The following AFF1 variants were observed in gnomAD, a reference collection of about 807,000 sequenced individuals.
AFF1 encodes AF4/FMR2 family member 1.
A neutral mutation model predicts 121.7 loss-of-function variants in AFF1; 48 were observed. The ratio of observed to expected loss-of-function variants is 0.39; its 90% CI spans 0.31 to 0.50. The LOEUF (loss-of-function observed/expected upper bound fraction) is 0.50. AFF1 is among the 20% of genes least tolerant of loss of function. The pLI, the probability that AFF1 is intolerant of heterozygous loss-of-function variation, is 0.76. For synonymous variants in AFF1, 613 were observed against 563.0 expected (o/e 1.09, Z -1.26); for missense variants, 1,523 against 1,511.7 (o/e 1.01, Z -0.12).
At chr4:86,966,957 C>T (rs1399086132) in intron 2 of AFF1, among the ~76,000 whole-genome samples, 1 of 152,220 alleles carries the variant, frequency 6.6e-6, no homozygotes, top group Non-Finnish European at 1.5e-5. Context: ...CATCTCCCAT[C>T]ACTACTGTCC....
intron 8 of AFF1, among the ~76,000 whole-genome samples, chr4:87,097,548 A>G (rs1724993465): frequency 6.6e-6 from 1 of 152,226 alleles, no homozygotes; most frequent in Non-Finnish European, 1.5e-5. Flanking sequence ...CTTTATAAAA[A>G]CTATTAATTT....
chr4:86,951,755 G>A (rs2149455138), intron 2 of AFF1, among the ~76,000 whole-genome samples: 1 of 151,192 alleles, frequency 6.6e-6, no homozygotes, highest in Middle Eastern at 3.4e-3. Flanking sequence ...CTGAGTAGCT[G>A]GGACTACAGG....
intron 1 of AFF1, among the ~76,000 whole-genome samples, chr4:86,940,705 A>T (rs115549443): frequency 6.6e-6 from 1 of 151,850 alleles, no homozygotes; most frequent in South Asian, 2.1e-4. Flanking sequence ...TGGCCTTCCT[A>T]ATCTTTTATA....
At chr4:87,134,436 G>A (rs1729124122) in intron 19 of AFF1, 35 bp from the exon 20 acceptor site, 2 of 1,535,342 alleles carry the variant, frequency 1.3e-6, no homozygotes, top group Middle Eastern at 2.4e-4. Context: ...ACTGGTGACT[G>A]ACTGATCAGT....
In AFF1 at chr4:86,992,126, T is replaced by C. The variant is rs544163569; in HGVS notation, c.38+43555T>C. 7.2e-5 allele frequency among the ~76,000 whole-genome samples: 11 copies of C among 152,234 alleles called. No individual in the cohort carries two copies. In the South Asian group the frequency reaches 2.3e-3, roughly 32 times the overall value. On this transcript the variant is annotated intron_variant, in intron 2 of 20. Coordinates refer to ENST00000395146, the MANE Select transcript of AFF1 (RefSeq NM_001166693.3). Reference sequence around the variant, plus strand: ...GACTGCTTCCTCAAGAGTGTAACAATAGCTTATCAAGAGAGGCTGTGCAGC... The same window carrying C: ...GACTGCTTCCTCAAGAGTGTAACAACAGCTTATCAAGAGAGGCTGTGCAGC...
intron 4 of AFF1, chr4:87,047,998 T>C (rs1199684909): frequency 4.4e-6 from 1 of 225,126 alleles, no homozygotes; most frequent in Non-Finnish European, 8.9e-6. Flanking sequence ...TGGGAGACAC[T>C]GGGGTAACAA....
chr4:86,952,950 T>TCCCCC (rs1721472524), intron 2 of AFF1, among the ~76,000 whole-genome samples: 2 of 126,288 alleles, frequency 1.6e-5, no homozygotes, highest in Non-Finnish European at 3.3e-5. Context: ...TGTGTTCCCC[T>TCCCCC]CCACCCCCAC....
chr4:87,038,403 G>A (rs949828795), intron 2 of AFF1, among the ~76,000 whole-genome samples: 1 of 152,176 alleles, frequency 6.6e-6, no homozygotes, highest in Admixed American at 6.5e-5. Flanking sequence ...GTATTTGGAA[G>A]TCAAACTAGT....
intron 2 of AFF1, among the ~76,000 whole-genome samples, chr4:87,010,615 T>C (rs1483479986): frequency 6.6e-6 from 1 of 152,150 alleles, no homozygotes; most frequent in East Asian, 1.9e-4. Flanking sequence ...TATAGACATA[T>C]TTTTTTCCTG....
chr4:87,094,286 G>A (rs1174449314), intron 7 of AFF1, among the ~76,000 whole-genome samples: 2 of 152,122 alleles, frequency 1.3e-5, no homozygotes. Context: ...ATTTCCCAGG[G>A]CAGTTAATTT....
chr4:87,084,329 C>T (rs968130102), intron 5 of AFF1, among the ~76,000 whole-genome samples, 165 bp downstream of exon 5: 4 of 151,948 alleles, frequency 2.6e-5, no homozygotes, highest in South Asian at 2.1e-4. Context: ...GCTTGAGCTC[C>T]GGAGTTCACG....
intron 4 of AFF1, among the ~76,000 whole-genome samples, chr4:87,072,808 A>G (rs774362002): frequency 2.0e-5 from 3 of 152,228 alleles, no homozygotes; most frequent in Non-Finnish European, 4.4e-5. Flanking sequence ...CTGGGATTAC[A>G]GGCGTGAGCC....
At chr4:86,959,711 A>G (rs553008057) in intron 2 of AFF1, among the ~76,000 whole-genome samples, 2 of 152,276 alleles carry the variant, frequency 1.3e-5, no homozygotes, top group South Asian at 4.1e-4. Context: ...CTGAAAGGAG[A>G]AAGTCATTCC....
intron 2 of AFF1, chr4:87,006,905 A>G (rs894362179): frequency 8.2e-6 from 8 of 981,510 alleles, no homozygotes; most frequent in Middle Eastern, 4.9e-4. Flanking sequence ...CGCCCTGCCC[A>G]TTTAAGTAGG....
chr4:87,020,764 G>C, intron 2 of AFF1: 2 of 983,720 alleles, frequency 2.0e-6, no homozygotes, highest in Non-Finnish European at 2.4e-6. Flanking sequence ...GATTACAGGC[G>C]GGATTACCAT....
intron 2 of AFF1, 150 bp downstream of exon 2, chr4:86,948,721 AGTC>A: frequency 1.4e-6 from 1 of 722,852 alleles, no homozygotes; most frequent in Non-Finnish European, 2.2e-6. Context: ...CTCTACATGA[AGTC>A]AAACTTGTTG....
chr4:87,074,147 AAAATT>A (rs1459196052), intron 4 of AFF1, among the ~76,000 whole-genome samples: 2 of 152,202 alleles, frequency 1.3e-5, no homozygotes, highest in African/African-American at 2.4e-5. Flanking sequence ...TGAAAAAAAA[AAAATT>A]AAATTCTTCC....
intron 5 of AFF1, among the ~76,000 whole-genome samples, chr4:87,087,954 G>A (rs1395550099): frequency 2.0e-5 from 3 of 152,214 alleles, no homozygotes; most frequent in African/African-American, 7.2e-5. Context: ...CTTTGGTGCA[G>A]TATTGAAATT....
intron 13 of AFF1, among the ~76,000 whole-genome samples, chr4:87,125,459 A>G (rs541375612): frequency 6.6e-6 from 1 of 152,278 alleles, no homozygotes; most frequent in South Asian, 2.1e-4. Flanking sequence ...AATTGGAAAC[A>G]AACACACAGA....
Sources: gnomAD v4.1 joint callset for allele counts (sites outside exome capture counted in the v4.1 genomes callset) on GRCh38, gnomAD v4.1.1 for gene constraint, MANE v1.5 for transcripts, NCBI Gene and HGNC (gene_info 2026-07-23, HGNC 2026-07-21) for gene names.